Variants in MTCH1 observed in about 807,000 individuals in gnomAD.
The protein encoded by MTCH1 is mitochondrial carrier 1.
In MTCH1, 23 loss-of-function variants were observed where a neutral mutation model predicts 49.3. The observed-to-expected ratio is 0.47, with a 90% confidence interval of 0.34 to 0.66. The LOEUF is 0.66. Among genes scored for constraint, MTCH1 ranks in the 30% least tolerant of loss-of-function variants. The pLI, the probability that MTCH1 is intolerant of heterozygous loss-of-function variation, is 0.01. For missense variants in MTCH1, 397 were observed against 532.1 expected (o/e 0.75, Z 2.50); for synonymous variants, 229 against 215.2 (o/e 1.06, Z -0.56).
rs1583272770 is a variant in MTCH1, at chr6:36,986,100, C to A, written c.74G>T (p.Gly25Val). 13 of 1,438,234 alleles carry A rather than the reference C, an allele frequency of 9.0e-6. No individual in the cohort carries two copies. In the East Asian group the frequency reaches 3.9e-4, roughly 44 times the overall value. 89.1% of individuals were successfully genotyped at this position (1,438,234 alleles called of 1,614,324 possible). A position where few individuals can be genotyped will look rare whatever the true frequency, so the allele number is the denominator to read the frequency against. The change falls in exon 1 of 12, where the codon GGA becomes GTA. Residue 25 changes from glycine to valine, a missense_variant. Physicochemically the swap from Gly to Val is moderately radical, Grantham distance 109 (BLOSUM62 -3). Around this residue, in one of 2 missense-constraint regions of MTCH1, gnomAD observed 145 missense variants for 143.8 expected, o/e 1.01. Transcript: ENST00000373627. ...CGCCGCTCCGCCGCGAGCTCCGGCTCCAGCTCCGGCTCCCGCCATCCCCGC... is the reference window on the plus strand; with the variant it reads ...CGCCGCTCCGCCGCGAGCTCCGGCTACAGCTCCGGCTCCCGCCATCCCCGC... ...GAAGMAGAGA[G>V]AGARGGAAAG...
chr6:36,985,808 T>A lies in MTCH1; in HGVS notation c.321+45A>T, dbSNP rs1187295774. 4 of 1,313,830 alleles carry A rather than the reference T, an allele frequency of 3.0e-6. No homozygotes were observed. In the African/African-American group the frequency reaches 5.0e-5, roughly 17 times the overall value. 81.4% of individuals were successfully genotyped at this position (1,313,830 alleles called of 1,614,324 possible). ...ATCCTCCAAATCCTGGCCTGTCACCTTCACATCAGCCTCCCATCTCCCTAC... is the reference window on the plus strand; with the variant it reads ...ATCCTCCAAATCCTGGCCTGTCACCATCACATCAGCCTCCCATCTCCCTAC... On this transcript the variant is annotated intron_variant, in intron 1 of 11. Coordinates refer to ENST00000373627, the MANE Select transcript of MTCH1 (RefSeq NM_001271641.2).
chr6:36,970,884 G>C (rs778627829), intron 8 of MTCH1, 190 bp from the exon 9 acceptor site: 19 of 666,384 alleles, frequency 2.9e-5, no homozygotes, highest in Admixed American at 1.4e-4. Flanking sequence ...TGGACTGAAG[G>C]GAGTCCCGAG....
rs1763586802 is a variant in MTCH1 at position 36,969,242 on chromosome 6, C to T, written c.1099-268G>A. 7 of 985,390 alleles carry T rather than the reference C, an allele frequency of 7.1e-6. No homozygotes were observed. The African/African-American group carries it at 8.7e-5, about 12-fold the overall frequency. The allele number at this position is 985,390 out of a possible 1,614,324, so 61.0% of individuals were successfully genotyped here. On this transcript the variant is annotated intron_variant, in intron 11 of 11. Transcript: ENST00000373627. ...CTCATTGCCCCTCTTGCTTCAGAGC[C>T]CAAGTGGTCTAGGACTCTTTCAGTG... is the stretch of plus-strand genomic sequence containing the variant.
chr6:36,977,241 A>C lies in MTCH1; in HGVS notation c.659T>G (p.Met220Arg), dbSNP rs1414503487. The change falls in exon 6 of 12, where the codon ATG (methionine) becomes AGG (arginine). Residue 220 changes from methionine to arginine, a missense_variant. This residue lies in a region of MTCH1 where 252 missense variants were observed against 388.3 expected (regional missense o/e 0.65). Coordinates refer to ENST00000373627, the MANE Select transcript of MTCH1 (RefSeq NM_001271641.2). The surrounding 1 kb of genome is among the most constrained non-coding windows in gnomAD (Gnocchi z 5.4). ...TCCCACAAACTGGACCATGCAGCGC[A>C]TTGAGATGACTGAGGAAAAAAAAGA... is the stretch of plus-strand genomic sequence containing the variant. Reference protein sequence around the residue: ...MLAHPLHVISMRCMVQFVGRE... With the variant: ...MLAHPLHVISRRCMVQFVGRE... 6.2e-7 allele frequency: 1 copy of C among 1,614,088 alleles called. No individual in the cohort carries two copies. Among genetic ancestry groups the C allele is most frequent in the Non-Finnish European group, 8.5e-7 (1 of 1,179,990 alleles).
intron 6 of MTCH1, chr6:36,976,439 G>A: frequency 1.2e-5 from 5 of 434,024 alleles, no homozygotes; most frequent in South Asian, 6.6e-5. Context: ...TGCCAGGCCC[G>A]GCCCCACCAC....
intron 8 of MTCH1, among the ~76,000 whole-genome samples, chr6:36,971,893 G>C (rs1345163183): frequency 6.6e-6 from 1 of 152,134 alleles, no homozygotes; most frequent in African/African-American, 2.4e-5. Context: ...TCTTATCTTG[G>C]TTCAGGCAGA....
chr6:36,985,806 C>T (rs1447710326), intron 1 of MTCH1, 47 bp downstream of exon 1: 1 of 1,521,566 alleles, frequency 6.6e-7, no homozygotes, highest in African/African-American at 1.4e-5. Context: ...TGGCCTGTCA[C>T]CTTCACATCA....
intron 7 of MTCH1, among the ~76,000 whole-genome samples, chr6:36,973,869 G>A (rs1763766972): frequency 6.6e-6 from 1 of 152,212 alleles, no homozygotes; most frequent in Non-Finnish European, 1.5e-5. Context: ...CAGGGCACAT[G>A]GTCCCTGAGG....
Position 36,968,902 on chromosome 6 carries a change from G to C in MTCH1, c.*1C>G, listed in dbSNP as rs113835599. 5.0e-6 allele frequency: 8 copies of C among 1,613,922 alleles called. No homozygotes were observed. In the African/African-American group the frequency reaches 8.0e-5, roughly 16 times the overall value. On this transcript the variant is annotated 3_prime_UTR_variant, in exon 12 of 12. Transcript: ENST00000373627. ...AGACCGTGTTTTTTAGATGATTCAGGTTACTCCAGGGCAAAGCATGATCCT... is the reference window on the plus strand; with the variant it reads ...AGACCGTGTTTTTTAGATGATTCAGCTTACTCCAGGGCAAAGCATGATCCT...
intron 2 of MTCH1, among the ~76,000 whole-genome samples, chr6:36,981,113 G>A (rs1407225288): frequency 6.6e-6 from 1 of 152,178 alleles, no homozygotes; most frequent in East Asian, 1.9e-4. Context: ...ACCAGAGTGA[G>A]TGAGCACCAC....
chr6:36,978,147 A>T lies in MTCH1; in HGVS notation c.522T>A (p.Pro174=). Reference sequence around the variant, plus strand: ...TGGAAACCTGCTCAATCTCATCTGGAGGGAAAACCTGAAACAGAGAAGGGA... The same window carrying T: ...TGGAAACCTGCTCAATCTCATCTGGTGGGAAAACCTGAAACAGAGAAGGGA... ...VTRGSMKKVF[P]PDEIEQVSNK... is the part of the protein sequence containing the mutation. The change falls in exon 4 of 12, where the codon CCT becomes CCA. Residue 174 remains proline, a synonymous_variant. Coordinates refer to ENST00000373627, the MANE Select transcript of MTCH1 (RefSeq NM_001271641.2). 6.2e-7 allele frequency: 1 copy of T among 1,612,738 alleles called. No individual in the cohort carries two copies. The highest frequency in any genetic ancestry group is 2.2e-5 in the East Asian group (1 of 44,886).
intron 1 of MTCH1, among the ~76,000 whole-genome samples, chr6:36,985,230 C>G (rs1763218994): frequency 1.3e-5 from 2 of 152,118 alleles, no homozygotes; most frequent in South Asian, 4.1e-4. Flanking sequence ...CAATGCAACC[C>G]AAGACCTCCG....
At position 36,968,805 on chromosome 6, in the gene MTCH1, G is replaced by A. The variant is rs181226085; in HGVS notation, c.*98C>T. Reference sequence around the variant, plus strand: ...AGCCCGGCTGGGCTGGAGCACATCTGGTTGTTGTTGGGTTGGAGTCGTCTT... The same window carrying A: ...AGCCCGGCTGGGCTGGAGCACATCTAGTTGTTGTTGGGTTGGAGTCGTCTT... On this transcript the variant is annotated 3_prime_UTR_variant, in exon 12 of 12. Coordinates refer to ENST00000373627, the MANE Select transcript of MTCH1 (RefSeq NM_001271641.2). 6.9e-5 allele frequency: 107 copies of A among 1,557,822 alleles called. No homozygotes were observed. The highest frequency in any genetic ancestry group is 3.4e-4 in the Middle Eastern group (2 of 5,934).
chr6:36,977,311 A>G lies in MTCH1; in HGVS notation c.650-61T>C, dbSNP rs1763917571. 1 of 1,582,718 alleles carries G rather than the reference A, an allele frequency of 6.3e-7. No individual in the cohort carries two copies. Among genetic ancestry groups the G allele is most frequent in the African/African-American group, 1.3e-5 (1 of 74,466 alleles). ...GGTGGGCCACACTTCATAATGCTCCAGCCACCGGGTGCCAGGTGCAGAGTG... is the reference window on the plus strand; with the variant it reads ...GGTGGGCCACACTTCATAATGCTCCGGCCACCGGGTGCCAGGTGCAGAGTG... On this transcript the variant is annotated intron_variant, in intron 5 of 11. Coordinates refer to ENST00000373627, the MANE Select transcript of MTCH1 (RefSeq NM_001271641.2). The surrounding 1 kb of genome is among the most constrained non-coding windows in gnomAD (Gnocchi z 5.4).
chr6:36,970,866 G>A (rs937583289), intron 8 of MTCH1, 172 bp from the exon 9 acceptor site: 9 of 740,744 alleles, frequency 1.2e-5, no homozygotes, highest in South Asian at 5.0e-5. Context: ...GGGCAGAAAC[G>A]GGGTAAGTGG....
In MTCH1 at chr6:36,968,466, A is replaced by G; in HGVS notation, c.*437T>C. On this transcript the variant is annotated 3_prime_UTR_variant, in exon 12 of 12. Transcript: ENST00000373627. ...CATGATGGTGGCCACGTGCCAGGGGACCACACCCTATGTACAAAGCAGGAG... is the reference window on the plus strand; with the variant it reads ...CATGATGGTGGCCACGTGCCAGGGGGCCACACCCTATGTACAAAGCAGGAG... The G allele has an allele frequency of 2.9e-6, 1 of 343,452 alleles. No homozygotes were observed. The highest frequency in any genetic ancestry group is 2.2e-5 in the South Asian group (1 of 45,028). The allele number at this position is 343,452 out of a possible 1,614,324, so 21.3% of individuals were successfully genotyped here. A position where few individuals can be genotyped will look rare whatever the true frequency, so the allele number is the denominator to read the frequency against.
At chr6:36,986,383 A>G, upstream of MTCH1, 1 of 399,288 alleles carries the variant, frequency 2.5e-6, no homozygotes. Flanking sequence ...GGTGGCGGGC[A>G]GCCGGGGCCC....
chr6:36,978,718 G>A, intron 2 of MTCH1, 107 bp from the exon 3 acceptor site: 1 of 904,564 alleles, frequency 1.1e-6, no homozygotes, highest in South Asian at 1.5e-5. Flanking sequence ...GGTAACTGCT[G>A]ACTACAGGCA....
intron 6 of MTCH1, among the ~76,000 whole-genome samples, chr6:36,975,987 TAGG>T (rs796909292): frequency 5.3e-5 from 8 of 152,276 alleles, no homozygotes; most frequent in African/African-American, 1.9e-4. Context: ...TTCTGGGAGA[TAGG>T]AGTTTAGGAA....
Sources: allele counts gnomAD v4.1 joint callset (sites outside exome capture counted in the v4.1 genomes callset), GRCh38; gene constraint gnomAD v4.1.1; regional missense constraint gnomAD v4.1.1; non-coding constraint Gnocchi (gnomAD v3.1); transcripts MANE v1.5; gene names NCBI Gene and HGNC (gene_info 2026-07-23, HGNC 2026-07-21).